ZHX3: variants seen among roughly 807,000 people sequenced by gnomAD.
ZHX3 encodes the protein zinc fingers and homeoboxes 3, also known as zinc fingers and homeoboxes protein 3.
Under a neutral mutation model 64.5 loss-of-function variants are expected in ZHX3, and 20 were observed. The ratio of observed to expected loss-of-function variants is 0.31; its 90% CI spans 0.22 to 0.45. The LOEUF (loss-of-function observed/expected upper bound fraction) is 0.45, where lower values mean the gene tolerates loss of function less well. Ranked by LOEUF, ZHX3 falls within the 20% of genes least tolerant of loss-of-function variation. ZHX3 has a pLI of 1.00. For synonymous variants in ZHX3, 423 were observed against 461.6 expected (o/e 0.92, Z 1.07); for missense variants, 1,041 against 1,195.8 (o/e 0.87, Z 1.91).
At chr20:41,295,812 C>T (rs1295137211) in intron 1 of ZHX3, among the ~76,000 whole-genome samples, 2 of 151,214 alleles carry the variant, frequency 1.3e-5, no homozygotes, top group African/African-American at 4.9e-5. Context: ...GATTGCGCCA[C>T]TGCACTCCAG....
chr20:41,239,230 C>A (rs988130283), intron 2 of ZHX3, among the ~76,000 whole-genome samples: 2 of 151,544 alleles, frequency 1.3e-5, no homozygotes, highest in African/African-American at 4.9e-5. Context: ...AGGATGCTCT[C>A]GGTCTCCTGA....
intron 2 of ZHX3, among the ~76,000 whole-genome samples, chr20:41,244,917 G>A (rs2041599839): frequency 6.6e-6 from 1 of 152,108 alleles, no homozygotes; most frequent in Non-Finnish European, 1.5e-5. Context: ...AAAAGGAGTT[G>A]GGATACTTAC....
chr20:41,287,206 T>G (rs189270192), intron 1 of ZHX3, among the ~76,000 whole-genome samples: 1 of 152,276 alleles, frequency 6.6e-6, no homozygotes, highest in East Asian at 1.9e-4. Context: ...TCCCTTTATC[T>G]TCCTCAGAAC....
chr20:41,211,076 A>G (rs1215333103), intron 2 of ZHX3, among the ~76,000 whole-genome samples: 1 of 152,140 alleles, frequency 6.6e-6, no homozygotes, highest in African/African-American at 2.4e-5. Context: ...TGAAAACAAA[A>G]CCAATGGTTT....
At chr20:41,260,180 G>GA (rs1555853862) in intron 2 of ZHX3, among the ~76,000 whole-genome samples, 5,423 of 103,272 alleles carry the variant, frequency 0.053, 231 homozygotes, top group African/African-American at 0.14. Flanking sequence ...AGCCAAATGT[G>GA]AAAAAAAAAA....
chr20:41,225,294 T>C (rs931439214), intron 2 of ZHX3, among the ~76,000 whole-genome samples: 71 of 152,252 alleles, frequency 4.7e-4, no homozygotes, highest in Middle Eastern at 6.8e-3. Flanking sequence ...CAGGAAACAC[T>C]CAATAAATCA....
intron 1 of ZHX3, among the ~76,000 whole-genome samples, chr20:41,302,770 G>C (rs1016167444): frequency 6.6e-6 from 1 of 152,232 alleles, no homozygotes; most frequent in Non-Finnish European, 1.5e-5. Context: ...ATGGTTTGAA[G>C]ATGGCAGAGC....
intron 1 of ZHX3, among the ~76,000 whole-genome samples, chr20:41,283,636 T>C (rs1243921446): frequency 6.6e-6 from 1 of 152,066 alleles, no homozygotes; most frequent in Non-Finnish European, 1.5e-5. Context: ...CATGCGCCTG[T>C]ATCCCAGCTA....
chr20:41,221,070 A>G (rs943650178), intron 2 of ZHX3, among the ~76,000 whole-genome samples: 5 of 152,112 alleles, frequency 3.3e-5, no homozygotes, highest in African/African-American at 1.2e-4. Context: ...CCCTAAACCA[A>G]TAATCCTCAG....
chr20:41,266,050 T>C (rs990950058), intron 2 of ZHX3, among the ~76,000 whole-genome samples: 2 of 152,212 alleles, frequency 1.3e-5, no homozygotes, highest in Non-Finnish European at 2.9e-5. Flanking sequence ...GAGGATTTCA[T>C]AGAGGCCGAG....
rs969981693 is a variant in ZHX3, at chr20:41,181,966, C to T, written c.*3225G>A. The T allele has an allele frequency of 2.0e-5, 3 of 152,154 alleles. No individual in the cohort carries two copies. Among genetic ancestry groups the T allele is most frequent in the Non-Finnish European group, 4.4e-5 (3 of 68,042 alleles). 9.4% of individuals were successfully genotyped at this position (152,154 alleles called of 1,614,324 possible). On this transcript the variant is annotated 3_prime_UTR_variant, in exon 4 of 4. Coordinates refer to ENST00000683867, the MANE Select transcript of ZHX3 (RefSeq NM_001384317.1). ...TTAAGTTGTACAATCACTACCAAAC[C>T]CCAAGGCCCTGGCAAGCCATCCAAC...
At chr20:41,197,179 A>G (rs960988542) in intron 3 of ZHX3, 1 of 165,600 alleles carries the variant, frequency 6.0e-6, no homozygotes, top group Non-Finnish European at 1.3e-5. Context: ...TTGCTGGCTA[A>G]TTCTAAATTA....
intron 1 of ZHX3, chr20:41,299,820 A>G (rs1415380671): frequency 2.1e-5 from 3 of 141,296 alleles, no homozygotes; most frequent in African/African-American, 8.1e-5. Flanking sequence ...CAAATATTAC[A>G]CCACTGCATT....
At chr20:41,210,542 T>C (rs1168972994) in intron 2 of ZHX3, among the ~76,000 whole-genome samples, 1 of 152,190 alleles carries the variant, frequency 6.6e-6, no homozygotes, top group African/African-American at 2.4e-5. Flanking sequence ...TTCATGTCCT[T>C]TGTAGGGACA....
chr20:41,298,083 T>A (rs1031023274), intron 1 of ZHX3, among the ~76,000 whole-genome samples: 5 of 152,202 alleles, frequency 3.3e-5, no homozygotes, highest in South Asian at 2.1e-4. Context: ...TTCTTTTTTT[T>A]TTTATTTATA....
At chr20:41,243,987 C>G (rs138304938) in intron 2 of ZHX3, among the ~76,000 whole-genome samples, 1 of 152,174 alleles carries the variant, frequency 6.6e-6, no homozygotes, top group Non-Finnish European at 1.5e-5. Context: ...ATTCGTGGAC[C>G]ACCTCTTACA....
chr20:41,189,802 A>G (rs2036848500), intron 3 of ZHX3, among the ~76,000 whole-genome samples: 1 of 152,114 alleles, frequency 6.6e-6, no homozygotes, highest in Admixed American at 6.6e-5. Context: ...CTCTTTTCCA[A>G]TTTGGATGCC....
intron 1 of ZHX3, among the ~76,000 whole-genome samples, chr20:41,288,461 G>C (rs1163229293): frequency 6.6e-6 from 1 of 152,070 alleles, no homozygotes. Flanking sequence ...ATGAATACAT[G>C]GTTAAAAATT....
chr20:41,249,269 T>C (rs1379008409), intron 2 of ZHX3, among the ~76,000 whole-genome samples: 1 of 152,066 alleles, frequency 6.6e-6, no homozygotes, highest in Admixed American at 6.6e-5. Flanking sequence ...TAAGTCACAA[T>C]TAAATACAAT....
Sources: gnomAD v4.1 joint callset for allele counts (sites outside exome capture counted in the v4.1 genomes callset) on GRCh38, gnomAD v4.1.1 for gene constraint, MANE v1.5 for transcripts, NCBI Gene and HGNC (gene_info 2026-07-23, HGNC 2026-07-21) for gene names.